Variants in ITSN1 observed in about 807,000 individuals in gnomAD.
ITSN1 encodes the protein intersectin-1.
ITSN1 carries 58 observed loss-of-function variants against 239.8 expected under a neutral mutation model. The observed-to-expected ratio is 0.24, with a 90% CI of 0.20 to 0.30. The LOEUF is 0.30. ITSN1 is among the 10% of genes least tolerant of loss of function. The probability of loss-of-function intolerance (pLI) is 1.00; values close to 1 mark genes in which losing one functional copy is unlikely to be tolerated. For missense variants in ITSN1, 1,558 were observed against 2,103.3 expected, an observed-to-expected ratio of 0.74 and a Z score of 5.07; for synonymous variants, 780 against 770.8, an observed-to-expected ratio of 1.01 and a Z score of -0.20.
At chr21:33,703,159 GAA>G (rs1491244699) in intron 1 of ITSN1, among the ~76,000 whole-genome samples, 1 of 148,836 alleles carries the variant, frequency 6.7e-6, no homozygotes, top group East Asian at 1.9e-4. Flanking sequence ...TATAAAGAAA[GAA>G]TATATATATA....
At chr21:33,800,075 C>T in intron 19 of ITSN1, 146 bp downstream of exon 19, 3 of 720,842 alleles carry the variant, frequency 4.2e-6, no homozygotes, top group Admixed American at 3.7e-5. Flanking sequence ...TAAGCTCAAT[C>T]TTCTTTCTTT....
intron 29 of ITSN1, among the ~76,000 whole-genome samples, chr21:33,840,620 C>T (rs1189355181): frequency 6.6e-6 from 1 of 152,132 alleles, no homozygotes; most frequent in East Asian, 1.9e-4. Flanking sequence ...CCTCAGCCTC[C>T]CAAAGCACTG....
At chr21:33,884,464 C>A in intron 36 of ITSN1, among the ~76,000 whole-genome samples, 1 of 152,166 alleles carries the variant, frequency 6.6e-6, no homozygotes, top group East Asian at 1.9e-4. Flanking sequence ...TGAAATAGAT[C>A]ATTTTCTGAA....
At chr21:33,793,689 C>A (rs2071323646) in intron 16 of ITSN1, among the ~76,000 whole-genome samples, 1 of 152,196 alleles carries the variant, frequency 6.6e-6, no homozygotes, top group Non-Finnish European at 1.5e-5. Context: ...TATTCATCAT[C>A]AAATTATAGC....
intron 14 of ITSN1, among the ~76,000 whole-genome samples, chr21:33,778,052 T>A (rs2069791031): frequency 6.6e-6 from 1 of 152,210 alleles, no homozygotes; most frequent in Non-Finnish European, 1.5e-5. Context: ...TTTTCTTTCT[T>A]ATTTTGTTAA....
At chr21:33,735,388 C>A in intron 5 of ITSN1, 184 bp downstream of exon 5, 1 of 706,416 alleles carries the variant, frequency 1.4e-6, no homozygotes, top group Non-Finnish European at 2.5e-6. Context: ...CATTTGAACC[C>A]TGGGATGTAA....
chr21:33,850,275 A>G (rs1232951623), intron 29 of ITSN1, among the ~76,000 whole-genome samples: 2 of 152,160 alleles, frequency 1.3e-5, no homozygotes, highest in African/African-American at 4.8e-5. Flanking sequence ...ATCTGAATGG[A>G]AGCCTCCCGA....
At chr21:33,659,053 C>T (rs1008485042) in intron 1 of ITSN1, among the ~76,000 whole-genome samples, 1 of 152,148 alleles carries the variant, frequency 6.6e-6, no homozygotes, top group African/African-American at 2.4e-5. Flanking sequence ...GAACTTTCAG[C>T]CCTCCGCCAC....
chr21:33,748,790 A>G (rs1383511791), intron 5 of ITSN1, among the ~76,000 whole-genome samples: 1 of 152,098 alleles, frequency 6.6e-6, no homozygotes, highest in Non-Finnish European at 1.5e-5. Flanking sequence ...GCTTGAGCCC[A>G]GAAGGTGAAG....
At chr21:33,803,253 G>A (rs1459141346) in intron 20 of ITSN1, among the ~76,000 whole-genome samples, 2 of 152,190 alleles carry the variant, frequency 1.3e-5, no homozygotes, top group Non-Finnish European at 2.9e-5. Context: ...GATTTGGAAG[G>A]CAATTTGGCA....
chr21:33,794,476 T>G lies in ITSN1; in HGVS notation c.1952+8T>G, dbSNP rs757890717. The G allele has an allele frequency of 1.5e-5, 24 of 1,607,382 alleles. No homozygotes were observed. In the South Asian group the frequency reaches 2.1e-4, roughly 14 times the overall value. On this transcript the variant is annotated splice_region_variant and intron_variant, in intron 17 of 39. Transcript: ENST00000381318. ...AAAAGAAGAAGCCCAAAGGTGAGTC[T>G]TCTTTGGATTGTGGACTCATCTGGA...
intron 14 of ITSN1, among the ~76,000 whole-genome samples, chr21:33,779,580 G>A (rs931457594): frequency 6.6e-6 from 1 of 152,130 alleles, no homozygotes; most frequent in East Asian, 1.9e-4. Context: ...TGGTCTTCAA[G>A]TCTCCTGTGT....
In ITSN1 at chr21:33,819,275, C is replaced by A. The variant is rs372156010; in HGVS notation, c.2968C>A (p.Leu990Ile). ...TGGTTCTTCAGAGAGTCCTGCTAGT[C>A]TAAAGCGAGTAGCCTCTCCAGCAGC... is the stretch of plus-strand genomic sequence containing the variant. ...DSGSSESPAS[L>I]KRVASPAAKP... Residue 990 changes from leucine to isoleucine, a missense_variant, in exon 24 of 40, where the codon CTA becomes ATA. Coordinates refer to ENST00000381318, the MANE Select transcript of ITSN1 (RefSeq NM_003024.3). 6.2e-7 allele frequency: 1 copy of A among 1,614,050 alleles called. No individual in the cohort carries two copies. Among genetic ancestry groups the A allele is most frequent in the Non-Finnish European group, 8.5e-7 (1 of 1,179,924 alleles).
chr21:33,858,926 C>T (rs1035157245), intron 31 of ITSN1, 134 bp downstream of exon 31: 10 of 530,660 alleles, frequency 1.9e-5, no homozygotes, highest in African/African-American at 1.6e-4. Flanking sequence ...CTTCTCATTG[C>T]CACTCACAAA....
intron 1 of ITSN1, among the ~76,000 whole-genome samples, chr21:33,671,826 A>G (rs1421138176): frequency 6.6e-6 from 1 of 152,152 alleles, no homozygotes; most frequent in Non-Finnish European, 1.5e-5. Context: ...AACTTACAAT[A>G]ATAATTACTT....
chr21:33,858,849 G>A (rs1409352533), intron 31 of ITSN1, 57 bp downstream of exon 31: 25 of 962,894 alleles, frequency 2.6e-5, no homozygotes, highest in Non-Finnish European at 3.7e-5. Flanking sequence ...TCATGCACTC[G>A]CACCTCTGTG....
chr21:33,764,835 T>G (rs1265664638), intron 9 of ITSN1, among the ~76,000 whole-genome samples: 1 of 150,766 alleles, frequency 6.6e-6, no homozygotes, highest in African/African-American at 2.5e-5. Context: ...AATCACATTC[T>G]TGGACTTGCC....
In ITSN1 at chr21:33,829,704, C is replaced by G; in HGVS notation, c.3310C>G (p.Arg1104Gly). ...TLAPGQLILIRKKNPGGWWEG... is the reference protein window; with the variant it reads ...TLAPGQLILIGKKNPGGWWEG... ...CGCCCCTGGTCAGCTGATTTTGATC[C>G]GAAAAAAGAACCCAGGTGGATGGTG... The change falls in exon 27 of 40, where the codon CGA becomes GGA. Residue 1104 changes from arginine (R) to glycine (G), a missense_variant. Physicochemically the swap from Arg to Gly is moderately radical, Grantham distance 125. Transcript: ENST00000381318. The G allele has an allele frequency of 6.2e-7, 1 of 1,613,214 alleles. No homozygotes were observed. The highest frequency in any genetic ancestry group is 1.1e-5 in the South Asian group (1 of 91,038).
At chr21:33,745,827 C>T (rs542559283) in intron 5 of ITSN1, among the ~76,000 whole-genome samples, 2 of 152,300 alleles carry the variant, frequency 1.3e-5, no homozygotes, top group South Asian at 2.1e-4. Context: ...GCACATGTGT[C>T]GCGGAGACCA....
Sources: allele counts gnomAD v4.1 joint callset (sites outside exome capture counted in the v4.1 genomes callset), GRCh38; gene constraint gnomAD v4.1.1; transcripts MANE v1.5; gene names NCBI Gene and HGNC (gene_info 2026-07-23, HGNC 2026-07-21).